Variants in CECR2 observed in about 807,000 individuals in gnomAD.
CECR2 encodes chromatin remodeling regulator CECR2.
A neutral mutation model predicts 154.5 loss-of-function variants in CECR2; 30 were observed. The observed-to-expected ratio is 0.19, with a 90% CI of 0.15 to 0.26. CECR2 has a LOEUF of 0.26. Ranked by LOEUF, CECR2 falls within the 10% of genes least tolerant of loss-of-function variation. The pLI, the probability that CECR2 is intolerant of heterozygous loss-of-function variation, is 1.00. For synonymous variants in CECR2, 725 were observed against 683.7 expected (o/e 1.06, Z -0.94); for missense variants, 1,743 against 1,829.3 (o/e 0.95, Z 0.86).
chr22:17,473,693 A>G (rs2055164716), intron 1 of CECR2, among the ~76,000 whole-genome samples: 1 of 152,242 alleles, frequency 6.6e-6, no homozygotes, highest in Non-Finnish European at 1.5e-5. Context: ...ACCCTTGAAA[A>G]TAGACACTTT....
intron 7 of CECR2, among the ~76,000 whole-genome samples, chr22:17,510,226 C>T (rs749712131): frequency 1.3e-5 from 2 of 152,134 alleles, no homozygotes; most frequent in Non-Finnish European, 2.9e-5. Flanking sequence ...CTGGCATTGT[C>T]ATTTTTGCAA....
intron 1 of CECR2, among the ~76,000 whole-genome samples, chr22:17,466,902 AT>A (rs2055042555): frequency 6.6e-6 from 1 of 151,836 alleles, no homozygotes; most frequent in Non-Finnish European, 1.5e-5. Flanking sequence ...AAAACCTTTC[AT>A]TTTTTTCCTT....
At chr22:17,486,615 A>T (rs1040297256) in intron 2 of CECR2, among the ~76,000 whole-genome samples, 1 of 152,238 alleles carries the variant, frequency 6.6e-6, no homozygotes, top group Non-Finnish European at 1.5e-5. Context: ...CATTCTCCCC[A>T]GGAAAAACTA....
intron 16 of CECR2, among the ~76,000 whole-genome samples, chr22:17,545,164 T>C (rs1280134963): frequency 7.3e-5 from 11 of 151,414 alleles, no homozygotes; most frequent in African/African-American, 2.4e-4. Context: ...CACCTGAGGT[T>C]GGGAGTTTGA....
chr22:17,551,224 A>G (rs1012750772), intron 17 of CECR2, among the ~76,000 whole-genome samples: 7 of 152,158 alleles, frequency 4.6e-5, no homozygotes, highest in Non-Finnish European at 7.3e-5. Context: ...CCATTTCAAA[A>G]CGATTACCAC....
In CECR2 at chr22:17,370,241, G is replaced by A. The variant is rs1354355880; in HGVS notation, c.126+332G>A. Among the ~76,000 whole-genome samples the A allele has an allele frequency of 1.3e-5, 2 of 150,580 alleles. 1 individual carries two copies. The highest frequency in any genetic ancestry group is 3.0e-5 in the Non-Finnish European group (2 of 67,464). ...GACTTCTCCGGTGGGCTGGGGCTGGGTGTGGGCGCGAGGGCTGCGCGCGCT... is the reference window on the plus strand; with the variant it reads ...GACTTCTCCGGTGGGCTGGGGCTGGATGTGGGCGCGAGGGCTGCGCGCGCT... On this transcript the variant is annotated intron_variant, in intron 1 of 18. Transcript: ENST00000262608.
In CECR2 at chr22:17,542,369, A is replaced by G. The variant is rs1334319762; in HGVS notation, c.2226A>G (p.Pro742=). The G allele has an allele frequency of 6.2e-7, 1 of 1,613,720 alleles. No individual in the cohort carries two copies. The highest frequency in any genetic ancestry group is 8.5e-7 in the Non-Finnish European group (1 of 1,179,880). The change falls in exon 16 of 19, where the codon CCA becomes CCG. Residue 742 remains proline (P), a synonymous_variant. Transcript: ENST00000262608. The part of the protein sequence containing the change: ...GFIPPRHGGA[P]ARPPDFPESS... ...TTCCTCCCCGGCATGGGGGGGCTCC[A>G]GCCCGGCCACCAGACTTTCCTGAAA...
intron 1 of CECR2, among the ~76,000 whole-genome samples, chr22:17,417,496 T>A (rs1449982940): frequency 6.6e-6 from 1 of 152,170 alleles, no homozygotes; most frequent in African/African-American, 2.4e-5. Flanking sequence ...AAATTTTTTT[T>A]AAATTGATAC....
At chr22:17,421,861 A>AC (rs1156247556) in intron 1 of CECR2, among the ~76,000 whole-genome samples, 1 of 140,914 alleles carries the variant, frequency 7.1e-6, no homozygotes, top group East Asian at 2.7e-4. Context: ...AAAAAAAAAA[A>AC]CAAAAAAAAC....
chr22:17,445,252 A>T (rs2054641335), intron 1 of CECR2, among the ~76,000 whole-genome samples: 1 of 152,172 alleles, frequency 6.6e-6, no homozygotes. Flanking sequence ...CATTGCGTGT[A>T]ACCTCAGCAC....
At position 17,499,464 on chromosome 22, in the gene CECR2, G is replaced by T; in HGVS notation, c.460G>T (p.Ala154Ser). The T allele has an allele frequency of 1.2e-6, 2 of 1,613,874 alleles. No homozygotes were observed. The highest frequency in any genetic ancestry group is 1.7e-6 in the Non-Finnish European group (2 of 1,179,816). ...VEPLGEDNSG[A>S]LYWYFYGTRM... Reference sequence around the variant, plus strand: ...GCCATTGGGTGAAGACAATTCTGGGGCACTATATTGGTATTTCTATGGAAC... The same window carrying T: ...GCCATTGGGTGAAGACAATTCTGGGTCACTATATTGGTATTTCTATGGAAC... The change falls in exon 4 of 19, where the codon GCA becomes TCA. Residue 154 changes from alanine to serine, a missense_variant. Ala to Ser is a moderately conservative substitution (Grantham distance 99). Coordinates refer to ENST00000262608, the MANE Select transcript of CECR2 (RefSeq NM_001290047.2).
chr22:17,451,189 G>A (rs961699374), intron 1 of CECR2, among the ~76,000 whole-genome samples: 2 of 152,198 alleles, frequency 1.3e-5, no homozygotes, highest in Admixed American at 6.5e-5. Flanking sequence ...CTTGAGGCTG[G>A]CAGCCTAGGG....
chr22:17,474,626 G>A (rs749499379), intron 1 of CECR2, among the ~76,000 whole-genome samples: 6 of 152,226 alleles, frequency 3.9e-5, no homozygotes, highest in Non-Finnish European at 8.8e-5. Context: ...GGTGAAAATG[G>A]CCATGATAAA....
intron 1 of CECR2, among the ~76,000 whole-genome samples, chr22:17,459,665 A>G (rs1210026283): frequency 6.6e-6 from 1 of 152,180 alleles, no homozygotes; most frequent in Non-Finnish European, 1.5e-5. Context: ...AAAAGAGAAC[A>G]ATGAAAGCCA....
At chr22:17,518,758 C>T in intron 8 of CECR2, 1 of 370,896 alleles carries the variant, frequency 2.7e-6, no homozygotes. Context: ...TCTGCCTTCA[C>T]ATTTGTCACA....
At chr22:17,370,620 T>TC (rs1360869758) in intron 1 of CECR2, among the ~76,000 whole-genome samples, 1 of 151,566 alleles carries the variant, frequency 6.6e-6, no homozygotes, top group Non-Finnish European at 1.5e-5. Flanking sequence ...GCCACCATTA[T>TC]CCCCCCGGGC....
At chr22:17,480,546 AAG>A (rs1256286653) in intron 2 of CECR2, among the ~76,000 whole-genome samples, 6 of 152,178 alleles carry the variant, frequency 3.9e-5, no homozygotes, top group African/African-American at 1.4e-4. Flanking sequence ...CTGGACAAGA[AAG>A]AACACTACAA....
At chr22:17,451,909 G>T (rs1017333036) in intron 1 of CECR2, among the ~76,000 whole-genome samples, 2 of 152,152 alleles carry the variant, frequency 1.3e-5, no homozygotes, top group African/African-American at 2.4e-5. Context: ...GGGAGTTTTA[G>T]CTTGACAAAA....
chr22:17,441,528 C>A (rs1204986366), intron 1 of CECR2, among the ~76,000 whole-genome samples: 1 of 152,130 alleles, frequency 6.6e-6, no homozygotes, highest in African/African-American at 2.4e-5. Flanking sequence ...GTGATGAAAG[C>A]TTTCTTTTAA....
Sources: gnomAD v4.1 joint callset for allele counts (sites outside exome capture counted in the v4.1 genomes callset) on GRCh38, gnomAD v4.1.1 for gene constraint, MANE v1.5 for transcripts, NCBI Gene and HGNC (gene_info 2026-07-23, HGNC 2026-07-21) for gene names.